Variants in ASCC3 observed in about 807,000 individuals in gnomAD.
ASCC3 encodes activating signal cointegrator 1 complex subunit 3, also known as ASC-1 complex subunit P200.
Under a neutral mutation model 256.3 loss-of-function variants are expected in ASCC3, and 158 were observed. The observed-to-expected ratio is 0.62, with a 90% CI of 0.54 to 0.70. ASCC3 has a LOEUF of 0.70. Among genes scored for constraint, ASCC3 ranks in the 30% least tolerant of loss-of-function variants. The pLI, the probability that ASCC3 is intolerant of heterozygous loss-of-function variation, is 0.00. For missense variants in ASCC3, 2,259 were observed against 2,626.0 expected (o/e 0.86, Z 3.05); for synonymous variants, 948 against 883.4 (o/e 1.07, Z -1.30).
At chr6:100,547,017 C>T (rs1423001159) in intron 36 of ASCC3, among the ~76,000 whole-genome samples, 2 of 151,890 alleles carry the variant, frequency 1.3e-5, no homozygotes, top group Non-Finnish European at 2.9e-5. Context: ...ACTTATAAAG[C>T]TACACTAAGC....
chr6:100,854,139 A>G (rs970655307), intron 3 of ASCC3, among the ~76,000 whole-genome samples: 1 of 151,958 alleles, frequency 6.6e-6, no homozygotes, highest in Non-Finnish European at 1.5e-5. Flanking sequence ...TGATGCTACA[A>G]GAACAAGCCA....
intron 13 of ASCC3, among the ~76,000 whole-genome samples, chr6:100,707,621 T>C (rs1323726208): frequency 6.6e-6 from 1 of 152,124 alleles, no homozygotes; most frequent in Admixed American, 6.6e-5. Flanking sequence ...AGTTTACCTC[T>C]TTAATAGGGT....
intron 4 of ASCC3, among the ~76,000 whole-genome samples, chr6:100,837,730 G>A (rs1394882880): frequency 6.6e-6 from 1 of 152,108 alleles, no homozygotes; most frequent in Non-Finnish European, 1.5e-5. Context: ...AGGCTGGGGA[G>A]ATTGGGGGTG....
intron 13 of ASCC3, among the ~76,000 whole-genome samples, chr6:100,697,814 T>C (rs754986825): frequency 2.0e-5 from 3 of 152,136 alleles, no homozygotes; most frequent in Non-Finnish European, 4.4e-5. Context: ...AATTTTTCCA[T>C]GAAAATTTAA....
intron 8 of ASCC3, among the ~76,000 whole-genome samples, chr6:100,784,744 G>A (rs1782612141): frequency 6.6e-6 from 1 of 151,920 alleles, no homozygotes; most frequent in Admixed American, 6.6e-5. Flanking sequence ...AAATGTAGAT[G>A]TTACATTTTT....
intron 8 of ASCC3, among the ~76,000 whole-genome samples, chr6:100,788,936 CAT>C (rs1417031934): frequency 1.3e-5 from 2 of 152,006 alleles, no homozygotes; most frequent in East Asian, 3.9e-4. Context: ...TTGATATTTA[CAT>C]GTTTTTGTTC....
chr6:100,870,903 C>T (rs1052268565), intron 1 of ASCC3, among the ~76,000 whole-genome samples: 1 of 152,156 alleles, frequency 6.6e-6, no homozygotes, highest in African/African-American at 2.4e-5. Context: ...TTGAAACTAC[C>T]TGCAGGGCTT....
At chr6:100,721,276 C>CT (rs1322063534) in intron 11 of ASCC3, among the ~76,000 whole-genome samples, 3 of 151,662 alleles carry the variant, frequency 2.0e-5, no homozygotes, top group Non-Finnish European at 4.4e-5. Context: ...GAAGAAAGTC[C>CT]TTATCTTTGC....
At chr6:100,713,975 A>G (rs1420992423) in intron 13 of ASCC3, among the ~76,000 whole-genome samples, 2 of 152,200 alleles carry the variant, frequency 1.3e-5, no homozygotes, top group African/African-American at 4.8e-5. Context: ...TGCTTTCAAA[A>G]GTTTCTCTAG....
intron 10 of ASCC3, among the ~76,000 whole-genome samples, chr6:100,753,508 TAA>T (rs5878645): frequency 2.9e-5 from 4 of 140,196 alleles, no homozygotes; most frequent in African/African-American, 2.6e-5. Flanking sequence ...TTTTTTTTTT[TAA>T]AAAAAAAAAC....
intron 13 of ASCC3, among the ~76,000 whole-genome samples, chr6:100,687,031 C>CACACACA (rs1777604323): frequency 4.9e-5 from 3 of 61,486 alleles, no homozygotes; most frequent in Non-Finnish European, 1.0e-4. Flanking sequence ...CTCTCTCTCT[C>CACACACA]TCTCACACAC....
chr6:100,583,312 T>C (rs561258968), intron 36 of ASCC3, among the ~76,000 whole-genome samples: 15 of 152,302 alleles, frequency 9.8e-5, no homozygotes, highest in Non-Finnish European at 1.9e-4. Context: ...GGTTTAGTCT[T>C]GGGAGGGTGT....
intron 17 of ASCC3, 55 bp from the exon 18 acceptor site, chr6:100,652,944 C>T (rs901745264): frequency 2.2e-5 from 33 of 1,501,164 alleles, no homozygotes; most frequent in Non-Finnish European, 2.6e-5. Context: ...TAACCATTTG[C>T]AAACATATAT....
chr6:100,771,735 A>C (rs190000688), intron 8 of ASCC3, among the ~76,000 whole-genome samples: 1 of 151,762 alleles, frequency 6.6e-6, no homozygotes, highest in Non-Finnish European at 1.5e-5. Flanking sequence ...CTAACATTTA[A>C]AAAATTGGCA....
At chr6:100,697,169 A>G (rs190310592) in intron 13 of ASCC3, among the ~76,000 whole-genome samples, 2 of 152,208 alleles carry the variant, frequency 1.3e-5, no homozygotes, top group Admixed American at 1.3e-4. Context: ...CCCAATAGTA[A>G]TATCTGCTTT....
intron 13 of ASCC3, among the ~76,000 whole-genome samples, chr6:100,686,994 A>T: frequency 6.9e-6 from 1 of 144,606 alleles, no homozygotes; most frequent in Non-Finnish European, 1.5e-5. Context: ...GACGTAGTTC[A>T]TTTTTTCTGT....
chr6:100,516,221 A>G lies in ASCC3; in HGVS notation c.6034T>C (p.Ser2012Pro). ...ACGGKDHVFSSMVESELHAAK... is the reference protein window; with the variant it reads ...ACGGKDHVFSPMVESELHAAK... Reference sequence around the variant, plus strand: ...GCATGTAGCTCACTTTCTACCATGGAGCTAAATACATGGTCTTTCCCTCCA... The same window carrying G: ...GCATGTAGCTCACTTTCTACCATGGGGCTAAATACATGGTCTTTCCCTCCA... Residue 2012 changes from serine to proline, a missense_variant, in exon 39 of 42, where the codon TCC becomes CCC. Transcript: ENST00000369162. 1.2e-6 allele frequency: 2 copies of G among 1,613,650 alleles called. No individual in the cohort carries two copies. Among genetic ancestry groups the G allele is most frequent in the Non-Finnish European group, 1.7e-6 (2 of 1,179,692 alleles).
intron 8 of ASCC3, among the ~76,000 whole-genome samples, chr6:100,793,636 A>T (rs1440833251): frequency 1.3e-5 from 2 of 152,064 alleles, no homozygotes; most frequent in African/African-American, 2.4e-5. Context: ...GCACAAATTA[A>T]ATGGAGCAAA....
At chr6:100,651,905 A>T (rs1268064991) in intron 18 of ASCC3, among the ~76,000 whole-genome samples, 1 of 151,970 alleles carries the variant, frequency 6.6e-6, no homozygotes, top group Non-Finnish European at 1.5e-5. Context: ...AAAGTTAATA[A>T]CATCTACACT....
Sources: allele counts gnomAD v4.1 joint callset (sites outside exome capture counted in the v4.1 genomes callset), GRCh38; gene constraint gnomAD v4.1.1; transcripts MANE v1.5; gene names NCBI Gene and HGNC (gene_info 2026-07-23, HGNC 2026-07-21).